CNTN5: variants seen among roughly 807,000 people sequenced by gnomAD.
The protein encoded by CNTN5 is contactin-5.
A neutral mutation model predicts 129.1 loss-of-function variants in CNTN5; 77 were observed. That is an observed-to-expected ratio of 0.60 (90% CI 0.50 to 0.72). The LOEUF (loss-of-function observed/expected upper bound fraction) is 0.72, where lower values mean the gene tolerates loss of function less well. Among genes scored for constraint, CNTN5 ranks in the 30% least tolerant of loss-of-function variants. The pLI is 0.00. For synonymous variants in CNTN5, 509 were observed against 465.6 expected, an observed-to-expected ratio of 1.09 and a Z score of -1.20; for missense variants, 1,478 against 1,328.8, an observed-to-expected ratio of 1.11 and a Z score of -1.75.
chr11:99,301,240 C>T (rs554911284), intron 1 of CNTN5, among the ~76,000 whole-genome samples: 9 of 151,206 alleles, frequency 6.0e-5, no homozygotes, highest in East Asian at 1.9e-4. Context: ...TCAAATCCTA[C>T]GTTATGAATT....
chr11:99,818,051 C>T (rs1431816301), intron 3 of CNTN5, among the ~76,000 whole-genome samples: 1 of 152,110 alleles, frequency 6.6e-6, no homozygotes, highest in Non-Finnish European at 1.5e-5. Flanking sequence ...AAATATTAAA[C>T]TTAATTTGAT....
intron 8 of CNTN5, among the ~76,000 whole-genome samples, chr11:99,969,760 T>TCTACCCC (rs1438400381): frequency 6.6e-6 from 1 of 152,150 alleles, no homozygotes; most frequent in Non-Finnish European, 1.5e-5. Flanking sequence ...TACCCCCAAA[T>TCTACCCC]CAGTCATTCC....
intron 13 of CNTN5, among the ~76,000 whole-genome samples, chr11:100,171,328 A>C (rs371903046): frequency 3.3e-5 from 5 of 152,134 alleles, no homozygotes; most frequent in African/African-American, 1.2e-4. Context: ...AGAGCACTTA[A>C]TGTACCCCTA....
intron 3 of CNTN5, among the ~76,000 whole-genome samples, chr11:99,771,468 A>G (rs1484739781): frequency 6.6e-6 from 1 of 152,098 alleles, no homozygotes; most frequent in Non-Finnish European, 1.5e-5. Flanking sequence ...TTATTTGGCC[A>G]TAACAAGCAA....
chr11:99,841,022 C>T (rs545312227), intron 4 of CNTN5, among the ~76,000 whole-genome samples: 2 of 152,018 alleles, frequency 1.3e-5, no homozygotes, highest in African/African-American at 4.8e-5. Flanking sequence ...TCTTTTCCCC[C>T]CCTTAACATG....
chr11:100,286,013 G>A (rs922839871), intron 18 of CNTN5, among the ~76,000 whole-genome samples: 6 of 152,312 alleles, frequency 3.9e-5, no homozygotes, highest in African/African-American at 2.4e-5. Context: ...CTGGAAAATC[G>A]GGTCACTCCC....
At chr11:100,310,489 T>A (rs574829372) in intron 21 of CNTN5, among the ~76,000 whole-genome samples, 3 of 152,082 alleles carry the variant, frequency 2.0e-5, no homozygotes, top group Admixed American at 2.0e-4. Flanking sequence ...TAAATATTTA[T>A]GTAGACCTAT....
chr11:99,356,057 A>T (rs1048641488), intron 2 of CNTN5, among the ~76,000 whole-genome samples: 12 of 151,554 alleles, frequency 7.9e-5, no homozygotes, highest in Non-Finnish European at 1.6e-4. Context: ...CAATCTCCTG[A>T]CCTCGTGATC....
intron 3 of CNTN5, among the ~76,000 whole-genome samples, chr11:99,672,882 G>GA (rs1275941298): frequency 2.6e-5 from 4 of 152,112 alleles, no homozygotes; most frequent in Non-Finnish European, 4.4e-5. Flanking sequence ...AGATGGAAAA[G>GA]AAAAAAAGTG....
chr11:99,489,706 G>A (rs1437370026), intron 2 of CNTN5, among the ~76,000 whole-genome samples: 4 of 152,140 alleles, frequency 2.6e-5, no homozygotes, highest in East Asian at 3.9e-4. Flanking sequence ...TCTGTAGCGT[G>A]GAGTCTGCCA....
intron 1 of CNTN5, among the ~76,000 whole-genome samples, chr11:99,216,852 A>G (rs1253944341): frequency 6.6e-6 from 1 of 152,122 alleles, no homozygotes; most frequent in East Asian, 1.9e-4. Flanking sequence ...AGAGAGGGAG[A>G]AAATATTTAC....
At chr11:100,015,187 C>G (rs12365449) in intron 9 of CNTN5, among the ~76,000 whole-genome samples, 25,092 of 152,044 alleles carry the variant, frequency 0.17, 2,128 homozygotes, top group Non-Finnish European at 0.18. Context: ...ACGTATAAGC[C>G]TGAGACTAAA....
chr11:99,869,952 C>T (rs983312329), intron 6 of CNTN5, among the ~76,000 whole-genome samples: 2 of 152,090 alleles, frequency 1.3e-5, no homozygotes, highest in African/African-American at 4.8e-5. Context: ...GCACTGTTAG[C>T]TTAAGGATGC....
At chr11:99,181,131 A>G (rs1406583430) in intron 1 of CNTN5, among the ~76,000 whole-genome samples, 1 of 152,116 alleles carries the variant, frequency 6.6e-6, no homozygotes. Flanking sequence ...TGCATTCATA[A>G]TCAGTGATGT....
intron 3 of CNTN5, among the ~76,000 whole-genome samples, chr11:99,787,686 T>C (rs1156499909): frequency 2.0e-5 from 3 of 152,024 alleles, no homozygotes; most frequent in Admixed American, 1.3e-4. Context: ...TTACCAGATA[T>C]GAGTCAAGAT....
At chr11:99,136,967 A>G (rs187389999) in intron 1 of CNTN5, among the ~76,000 whole-genome samples, 1 of 152,320 alleles carries the variant, frequency 6.6e-6, no homozygotes, top group Non-Finnish European at 1.5e-5. Flanking sequence ...AGATGCTGAA[A>G]AAATATTCAA....
At chr11:99,332,132 A>G (rs1866026580) in intron 2 of CNTN5, among the ~76,000 whole-genome samples, 1 of 152,146 alleles carries the variant, frequency 6.6e-6, no homozygotes, top group Non-Finnish European at 1.5e-5. Flanking sequence ...TCACAAAATA[A>G]TTTATATTCC....
At chr11:100,187,169 A>ATT in intron 13 of CNTN5, among the ~76,000 whole-genome samples, 1 of 152,014 alleles carries the variant, frequency 6.6e-6, no homozygotes, top group Non-Finnish European at 1.5e-5. Context: ...TGTAAATGGG[A>ATT]TTATGTTCTT....
intron 3 of CNTN5, among the ~76,000 whole-genome samples, chr11:99,682,883 A>C (rs1440647864): frequency 6.6e-6 from 1 of 151,998 alleles, no homozygotes; most frequent in African/African-American, 2.4e-5. Flanking sequence ...CATAAGTTAC[A>C]TAAAACATTA....
Sources: allele counts gnomAD v4.1 joint callset (sites outside exome capture counted in the v4.1 genomes callset), GRCh38; gene constraint gnomAD v4.1.1; transcripts MANE v1.5; gene names NCBI Gene and HGNC (gene_info 2026-07-23, HGNC 2026-07-21).